The following HELZ variants were observed in gnomAD, a reference collection of about 807,000 sequenced individuals.
The protein encoded by HELZ is helicase with zinc finger, also known as ATP-dependent RNA helicase with zinc finger domain.
In HELZ, 23 loss-of-function variants were observed where a neutral mutation model predicts 218.2. The observed-to-expected ratio is 0.11, with a 90% CI of 0.08 to 0.15. HELZ has a LOEUF of 0.15. HELZ is among the 10% of genes least tolerant of loss of function. The pLI is 1.00. For missense variants in HELZ, 1,813 were observed against 2,353.7 expected, an observed-to-expected ratio of 0.77 and a Z score of 4.75; for synonymous variants, 814 against 829.4, an observed-to-expected ratio of 0.98 and a Z score of 0.32.
chr17:67,151,376 T>C, intron 17 of HELZ, 152 bp from the exon 18 acceptor site: 1 of 640,956 alleles, frequency 1.6e-6, no homozygotes, highest in Admixed American at 3.2e-5. Context: ...AATTAGAATT[T>C]AACACACAAT....
At chr17:67,133,047 A>G (rs2038035231) in intron 23 of HELZ, among the ~76,000 whole-genome samples, 1 of 152,200 alleles carries the variant, frequency 6.6e-6, no homozygotes, top group Admixed American at 6.5e-5. Context: ...TAAAGCTTAA[A>G]TATCCATATG....
At chr17:67,175,806 T>C (rs184574712) in intron 13 of HELZ, among the ~76,000 whole-genome samples, 12 of 152,352 alleles carry the variant, frequency 7.9e-5, no homozygotes, top group Admixed American at 6.5e-4. Context: ...ATCAGTTATA[T>C]CTTGAAGATC....
At chr17:67,134,712 A>G (rs2038092648) in intron 23 of HELZ, among the ~76,000 whole-genome samples, 1 of 152,100 alleles carries the variant, frequency 6.6e-6, no homozygotes, top group Non-Finnish European at 1.5e-5. Context: ...GAACACAAAA[A>G]TAGATAATAA....
chr17:67,105,263 A>AG (rs2037066136), intron 31 of HELZ, among the ~76,000 whole-genome samples: 1 of 152,236 alleles, frequency 6.6e-6, no homozygotes, highest in African/African-American at 2.4e-5. Context: ...ATAAATGTGC[A>AG]GAGAACACAG....
At chr17:67,160,778 T>C in intron 16 of HELZ, 119 bp downstream of exon 16, 1 of 719,590 alleles carries the variant, frequency 1.4e-6, no homozygotes, top group Middle Eastern at 3.7e-4. Flanking sequence ...TCCTTTTCTC[T>C]TTTTTTCATG....
At chr17:67,180,321 AAAAAT>A (rs1374019205) in intron 12 of HELZ, among the ~76,000 whole-genome samples, 1 of 152,016 alleles carries the variant, frequency 6.6e-6, no homozygotes, top group Non-Finnish European at 1.5e-5. Flanking sequence ...CTGTCTCTAA[AAAAAT>A]AAAATAAAAA....
chr17:67,082,739 T>C (rs950873917), intron 32 of HELZ, among the ~76,000 whole-genome samples: 2 of 152,072 alleles, frequency 1.3e-5, no homozygotes, highest in African/African-American at 4.8e-5. Flanking sequence ...AAATAATATA[T>C]AAAATAAACA....
At chr17:67,149,253 A>C (rs2038601722) in intron 19 of HELZ, among the ~76,000 whole-genome samples, 1 of 152,218 alleles carries the variant, frequency 6.6e-6, no homozygotes. Flanking sequence ...TTGTTCCTCT[A>C]CATTTAACTC....
chr17:67,167,771 T>A lies in HELZ; in HGVS notation c.1456A>T (p.Ile486Phe), dbSNP rs1357962018. Residue 486 changes from isoleucine (I) to phenylalanine (F), a missense_variant, in exon 14 of 33, where the codon ATT (isoleucine) becomes TTT (phenylalanine). Physicochemically the swap from Ile to Phe is conservative, Grantham distance 21. Around this residue, in one of 4 missense-constraint regions of HELZ, gnomAD observed 714 missense variants for 1,029.2 expected, o/e 0.69. Transcript: ENST00000358691. The stretch of plus-strand genomic sequence containing the variant: ...CCAGTGAGCATGAAGCTTGCCAGAA[T>A]CTGCAATTGCACTTTAAGGTTGAAC... ...SKFNLKVQLQ[I>F]LASFMLTGVS... 6.2e-7 allele frequency: 1 copy of A among 1,610,642 alleles called. No individual in the cohort carries two copies. The highest frequency in any genetic ancestry group is 1.3e-5 in the African/African-American group (1 of 74,804).
chr17:67,234,555 A>C (rs771138911), intron 3 of HELZ, among the ~76,000 whole-genome samples: 6 of 152,004 alleles, frequency 3.9e-5, no homozygotes, highest in Non-Finnish European at 7.4e-5. Context: ...ACATTCAAGA[A>C]ATTCCAAGGC....
At chr17:67,094,116 G>A in intron 31 of HELZ, among the ~76,000 whole-genome samples, 1 of 152,106 alleles carries the variant, frequency 6.6e-6, no homozygotes, top group East Asian at 1.9e-4. Context: ...AAGTTCAAGA[G>A]TTCAAGACCA....
Position 67,108,851 on chromosome 17 carries a change from GA to G in HELZ, c.4490-126del. 1.3e-6 allele frequency: 1 copy of G among 780,596 alleles called. No individual in the cohort carries two copies. Among genetic ancestry groups the G allele is most frequent in the Non-Finnish European group, 2.0e-6 (1 of 503,404 alleles). 48.4% of individuals were successfully genotyped at this position (780,596 alleles called of 1,614,324 possible). Reference sequence around the variant, plus strand: ...GTAGCTACAAATTTGGTTTTGGTAAGAAGTAAATGTTTTCTAAATTTGCCAG... The same window carrying G: ...GTAGCTACAAATTTGGTTTTGGTAAGAGTAAATGTTTTCTAAATTTGCCAG... On this transcript the variant is annotated intron_variant, in intron 29 of 32. Coordinates refer to ENST00000358691, the MANE Select transcript of HELZ (RefSeq NM_014877.4). The surrounding 1 kb of genome is among the most constrained non-coding windows in gnomAD (Gnocchi z 4.1).
chr17:67,177,154 T>C (rs2039483135), intron 13 of HELZ, among the ~76,000 whole-genome samples: 1 of 152,092 alleles, frequency 6.6e-6, no homozygotes, highest in Admixed American at 6.5e-5. Flanking sequence ...GGTCTCACTA[T>C]GTTGCCCAGG....
rs145273637 is a variant in HELZ, at chr17:67,138,993, T to C, written c.2770-879A>G. On this transcript the variant is annotated intron_variant, in intron 21 of 32. Transcript: ENST00000358691. ...AAAAAATATATAAGGCAAGCACAAA[T>C]AGAGGGTCAGTCAAGAGTCCAGGGG... 6.6e-5 allele frequency among the ~76,000 whole-genome samples: 10 copies of C among 152,120 alleles called. No individual in the cohort carries two copies. In the East Asian group the frequency reaches 1.9e-3, roughly 29 times the overall value.
chr17:67,237,856 C>T (rs1037285464), intron 3 of HELZ, among the ~76,000 whole-genome samples: 7 of 151,458 alleles, frequency 4.6e-5, no homozygotes, highest in South Asian at 4.2e-4. Context: ...GGCGTGGTAG[C>T]GCACACCTAT....
intron 2 of HELZ, among the ~76,000 whole-genome samples, chr17:67,241,312 T>C (rs184131703): frequency 6.6e-6 from 1 of 152,368 alleles, no homozygotes; most frequent in East Asian, 1.9e-4. Context: ...AAATCTTCTA[T>C]ACATTTGAAA....
Position 67,120,549 on chromosome 17 carries a change from C to T in HELZ, c.3694G>A (p.Ala1232Thr). Reference protein sequence around the residue: ...VDPRIITHQAAMAYNMNLLQT... With the variant: ...VDPRIITHQATMAYNMNLLQT... ...AATAGGTTCATGTTATAGGCCATTG[C>T]TGCCTGATGTGTAATAATTCGAGGA... The change falls in exon 27 of 33, where the codon GCA (alanine) becomes ACA (threonine). Residue 1232 changes from alanine to threonine, a missense_variant. Physicochemically the swap from Ala to Thr is moderately conservative, Grantham distance 58. Around this residue, in one of 4 missense-constraint regions of HELZ, gnomAD observed 938 missense variants for 1,027.5 expected, o/e 0.91. Transcript: ENST00000358691. 6.2e-7 allele frequency: 1 copy of T among 1,613,474 alleles called. No homozygotes were observed. Among genetic ancestry groups the T allele is most frequent in the Non-Finnish European group, 8.5e-7 (1 of 1,179,862 alleles).
intron 17 of HELZ, among the ~76,000 whole-genome samples, chr17:67,156,299 A>T (rs1348628481): frequency 1.3e-5 from 2 of 152,154 alleles, no homozygotes; most frequent in African/African-American, 4.8e-5. Flanking sequence ...CCTGTCACTT[A>T]CAGGTGGCTT....
intron 31 of HELZ, among the ~76,000 whole-genome samples, chr17:67,089,672 G>GAC (rs1567790536): frequency 3.1e-5 from 2 of 63,872 alleles, no homozygotes; most frequent in Admixed American, 1.8e-4. Context: ...TATATATAGA[G>GAC]AGAGAGAGAG....
Sources: gnomAD v4.1 joint callset for allele counts (sites outside exome capture counted in the v4.1 genomes callset) on GRCh38, gnomAD v4.1.1 for gene constraint, gnomAD v4.1.1 regional missense constraint, Gnocchi (gnomAD v3.1) non-coding constraint, MANE v1.5 for transcripts, NCBI Gene and HGNC (gene_info 2026-07-23, HGNC 2026-07-21) for gene names.